The following MROH9 variants were observed in gnomAD, a reference collection of about 807,000 sequenced individuals.
MROH9 encodes maestro heat-like repeat-containing protein family member 9.
A neutral mutation model predicts 98.2 loss-of-function variants in MROH9; 92 were observed. The observed-to-expected ratio is 0.94, with a 90% confidence interval of 0.79 to 1.11. MROH9 has a LOEUF of 1.11. Among genes scored for constraint, MROH9 ranks in the 50% most tolerant of loss-of-function variants. The pLI is 0.00. For synonymous variants in MROH9, 397 were observed against 368.9 expected (o/e 1.08, Z -0.87); for missense variants, 1,057 against 1,014.8 (o/e 1.04, Z -0.57).
At position 170,959,379 on chromosome 1, in the gene MROH9, TA is replaced by T; in HGVS notation, c.153-80del. 5.5e-6 allele frequency: 6 copies of T among 1,094,178 alleles called. 1 individual carries two copies. In the South Asian group the frequency reaches 1.2e-4, roughly 22 times the overall value. 67.8% of individuals were successfully genotyped at this position (1,094,178 alleles called of 1,614,324 possible). On this transcript the variant is annotated intron_variant, in intron 4 of 21. Coordinates refer to ENST00000367759, the MANE Select transcript of MROH9 (RefSeq NM_001163629.2). ...GACAGAGCGAGACTCTGTCTCAAAA[TA>T]AATAAATAAATAAATAAAGCCCACT...
At chr1:170,990,587 C>T (rs1651320509) in intron 11 of MROH9, among the ~76,000 whole-genome samples, 1 of 152,160 alleles carries the variant, frequency 6.6e-6, no homozygotes, top group Non-Finnish European at 1.5e-5. Context: ...TTAGAAAAAT[C>T]ACACCACTCC....
chr1:170,981,193 A>G (rs188547315), intron 8 of MROH9, among the ~76,000 whole-genome samples: 21 of 152,306 alleles, frequency 1.4e-4, no homozygotes, highest in African/African-American at 3.6e-4. Context: ...CCATTGTAGA[A>G]AACAGTATGG....
intron 5 of MROH9, among the ~76,000 whole-genome samples, chr1:170,960,140 C>T (rs1649962796): frequency 1.3e-5 from 2 of 152,216 alleles, no homozygotes; most frequent in African/African-American, 4.8e-5. Flanking sequence ...ATACACATCT[C>T]AGAGAATTTC....
intron 3 of MROH9, among the ~76,000 whole-genome samples, chr1:170,955,084 T>TA (rs1175200278): frequency 6.6e-6 from 1 of 152,158 alleles, no homozygotes; most frequent in Non-Finnish European, 1.5e-5. Flanking sequence ...ATTCCTGACT[T>TA]ACTTTACTTA....
intron 8 of MROH9, among the ~76,000 whole-genome samples, chr1:170,979,313 T>C (rs1403134443): frequency 6.6e-6 from 1 of 152,188 alleles, no homozygotes; most frequent in Admixed American, 6.5e-5. Context: ...ATGTGCACTG[T>C]CATTAGTTCT....
chr1:170,939,981 G>C (rs184228558), intron 1 of MROH9, among the ~76,000 whole-genome samples: 42 of 152,290 alleles, frequency 2.8e-4, no homozygotes, highest in Admixed American at 5.2e-4. Context: ...TATTGTCCAA[G>C]TACCAGAGCA....
chr1:170,976,528 A>G (rs1226136460), intron 8 of MROH9, among the ~76,000 whole-genome samples: 1 of 152,092 alleles, frequency 6.6e-6, no homozygotes, highest in Non-Finnish European at 1.5e-5. Context: ...GGGTAGATCA[A>G]TTGAGGCCAG....
intron 2 of MROH9, among the ~76,000 whole-genome samples, 200 bp downstream of exon 2, chr1:170,945,781 A>G (rs1477505314): frequency 6.6e-6 from 1 of 152,112 alleles, no homozygotes; most frequent in African/African-American, 2.4e-5. Flanking sequence ...TAAATTCCAG[A>G]AAGTAGAAAT....
At chr1:170,939,681 C>T (rs1649042535) in intron 1 of MROH9, among the ~76,000 whole-genome samples, 1 of 152,170 alleles carries the variant, frequency 6.6e-6, no homozygotes, top group African/African-American at 2.4e-5. Context: ...TGATGGAGTA[C>T]TGCCGTGCAC....
chr1:170,987,052 T>C (rs1160475106), intron 10 of MROH9, among the ~76,000 whole-genome samples: 1 of 151,900 alleles, frequency 6.6e-6, no homozygotes, highest in East Asian at 1.9e-4. Flanking sequence ...ATGGAGGTCT[T>C]AACTATGTTG....
chr1:171,016,670 G>T (rs1652337610), intron 17 of MROH9, among the ~76,000 whole-genome samples: 4 of 152,028 alleles, frequency 2.6e-5, no homozygotes. Flanking sequence ...CTGAGTGAGT[G>T]ATTTCTTCAG....
chr1:171,026,018 T>A lies in MROH9; in HGVS notation c.2281+598T>A, dbSNP rs544508813. ...AGTCTCCAACTTGGCAGTCGGATCT[T>A]CCCTTGACCCCAGTTAGCATCATGG... On this transcript the variant is annotated intron_variant, in intron 20 of 21. Coordinates refer to ENST00000367759, the MANE Select transcript of MROH9 (RefSeq NM_001163629.2). Among the ~76,000 whole-genome samples the A allele has an allele frequency of 2.6e-5, 4 of 152,288 alleles. No individual in the cohort carries two copies. The East Asian group carries it at 7.7e-4, about 29-fold the overall frequency.
At chr1:171,035,178 T>G (rs1387756351) in intron 20 of MROH9, among the ~76,000 whole-genome samples, 1 of 151,938 alleles carries the variant, frequency 6.6e-6, no homozygotes, top group Non-Finnish European at 1.5e-5. Context: ...GAGAGAAATA[T>G]TTGCACATGT....
intron 17 of MROH9, among the ~76,000 whole-genome samples, chr1:171,016,806 T>G (rs1652342309): frequency 1.3e-5 from 2 of 152,230 alleles, no homozygotes; most frequent in South Asian, 4.1e-4. Flanking sequence ...TATTATCATA[T>G]AAAACTTGAA....
intron 15 of MROH9, among the ~76,000 whole-genome samples, chr1:171,007,663 A>T (rs1400462005): frequency 6.6e-6 from 1 of 152,204 alleles, no homozygotes; most frequent in Non-Finnish European, 1.5e-5. Context: ...GCAAAATCAC[A>T]TATAGGCTTC....
intron 20 of MROH9, among the ~76,000 whole-genome samples, chr1:171,027,474 T>G (rs994728883): frequency 1.3e-5 from 2 of 152,354 alleles, no homozygotes; most frequent in Non-Finnish European, 1.5e-5. Flanking sequence ...TGTGGGTTGG[T>G]TCCATGTCTT....
chr1:170,947,684 T>G (rs565423669), intron 3 of MROH9, 111 bp downstream of exon 3: 2 of 1,011,218 alleles, frequency 2.0e-6, no homozygotes, highest in South Asian at 3.1e-5. Flanking sequence ...ATACATGTGT[T>G]GGGGGAGAAA....
At chr1:170,950,176 C>G (rs143383764) in intron 3 of MROH9, among the ~76,000 whole-genome samples, 1 of 152,144 alleles carries the variant, frequency 6.6e-6, no homozygotes, top group African/African-American at 2.4e-5. Flanking sequence ...GTCTAAGCAC[C>G]AAGCTATACT....
intron 15 of MROH9, 77 bp downstream of exon 15, chr1:170,998,351 T>C: frequency 1.2e-6 from 2 of 1,612,266 alleles, no homozygotes; most frequent in Non-Finnish European, 1.7e-6. Flanking sequence ...TTCCAGTTTC[T>C]CGTATCTCTC....
Sources: allele counts gnomAD v4.1 joint callset (sites outside exome capture counted in the v4.1 genomes callset), GRCh38; gene constraint gnomAD v4.1.1; transcripts MANE v1.5; gene names NCBI Gene and HGNC (gene_info 2026-07-23, HGNC 2026-07-21).